The following MED13L variants were observed in gnomAD, a reference collection of about 807,000 sequenced individuals.
The protein encoded by MED13L is mediator of RNA polymerase II transcription subunit 13-like.
A neutral mutation model predicts 220.9 loss-of-function variants in MED13L; 7 were observed. That is an observed-to-expected ratio of 0.03 (90% CI 0.02 to 0.06). MED13L has a LOEUF of 0.06. Ranked by LOEUF, MED13L falls within the 10% of genes least tolerant of loss-of-function variation. The probability of loss-of-function intolerance (pLI) is 1.00; values close to 1 mark genes in which losing one functional copy is unlikely to be tolerated. For synonymous variants in MED13L, 1,011 were observed against 1,015.2 expected (o/e 1.00, Z 0.08); for missense variants, 1,965 against 2,760.5 (o/e 0.71, Z 6.46).
At chr12:116,003,544 C>G (rs183005610) in intron 13 of MED13L, among the ~76,000 whole-genome samples, 57 of 151,358 alleles carry the variant, frequency 3.8e-4, no homozygotes, top group Admixed American at 3.7e-3. Context: ...ATCTTCTGTA[C>G]CTATTTTTAT....
At chr12:116,022,219 A>C (rs557891669) in intron 5 of MED13L, among the ~76,000 whole-genome samples, 1 of 152,208 alleles carries the variant, frequency 6.6e-6, no homozygotes, top group East Asian at 1.9e-4. Flanking sequence ...TTATTCTTAC[A>C]AAAGAATACA....
At chr12:116,271,040 C>CAAAAAAAAAAAA (rs58162276) in intron 1 of MED13L, among the ~76,000 whole-genome samples, 1 of 30,090 alleles carries the variant, frequency 3.3e-5, no homozygotes. Context: ...GACTCCGTCT[C>CAAAAAAAAAAAA]AAAAAAAAAA....
intron 3 of MED13L, among the ~76,000 whole-genome samples, chr12:116,102,174 T>C (rs1873114323): frequency 6.6e-6 from 1 of 152,242 alleles, no homozygotes; most frequent in Non-Finnish European, 1.5e-5. Context: ...AATGTTTCTG[T>C]GTCATGCCAT....
At chr12:116,014,378 C>A (rs1165484779) in intron 8 of MED13L, among the ~76,000 whole-genome samples, 1 of 152,180 alleles carries the variant, frequency 6.6e-6, no homozygotes, top group Non-Finnish European at 1.5e-5. Flanking sequence ...AAGCAGACAT[C>A]TACTCATATT....
chr12:116,225,962 TAAC>T (rs978824434), intron 2 of MED13L, among the ~76,000 whole-genome samples: 2 of 152,082 alleles, frequency 1.3e-5, no homozygotes, highest in African/African-American at 4.8e-5. Context: ...AGGAAAAGAC[TAAC>T]AACAGATTTA....
chr12:116,157,473 ACTC>A (rs1279786817), intron 2 of MED13L, among the ~76,000 whole-genome samples: 1 of 125,144 alleles, frequency 8.0e-6, no homozygotes, highest in Non-Finnish European at 1.8e-5. Context: ...TCTTCCCTAA[ACTC>A]CTCAAGGATC....
chr12:116,201,805 A>G (rs539294504), intron 2 of MED13L, among the ~76,000 whole-genome samples: 5 of 152,216 alleles, frequency 3.3e-5, no homozygotes, highest in Non-Finnish European at 7.3e-5. Context: ...TTCCAACATT[A>G]CAAATATGTC....
chr12:115,966,064 A>C lies in MED13L; in HGVS notation c.6387+18T>G. 6.2e-7 allele frequency: 1 copy of C among 1,613,768 alleles called. No homozygotes were observed. The highest frequency in any genetic ancestry group is 2.2e-5 in the East Asian group (1 of 44,888). On this transcript the variant is annotated intron_variant, in intron 29 of 30. Transcript: ENST00000281928. ...ATCACTCATTCCTTGCAAACTTCTA[A>C]TATGACACCAAACCAACCTTTAAGA...
intron 4 of MED13L, among the ~76,000 whole-genome samples, chr12:116,094,120 C>A (rs1041698739): frequency 7.9e-5 from 12 of 152,158 alleles, no homozygotes; most frequent in African/African-American, 2.9e-4. Context: ...AACTGTCCAA[C>A]TCAGGCATGA....
Position 116,008,560 on chromosome 12 carries a change from T to C in MED13L, c.1853A>G (p.Tyr618Cys), listed in dbSNP as rs747110033. The C allele has an allele frequency of 2.5e-6, 4 of 1,613,852 alleles. No individual in the cohort carries two copies. The highest frequency in any genetic ancestry group is 1.7e-5 in the Admixed American group (1 of 59,982). ...LMAEVSETAL[Y>C]CGIRPSNPES... The stretch of plus-strand genomic sequence containing the variant: ...CGGGTTCGAGGGCCTAATCCCACAA[T>C]ATAAGGCTGTCTCGCTGACCTCTGC... Residue 618 changes from tyrosine (Y) to cysteine (C), a missense_variant, in exon 10 of 31, where the codon TAT becomes TGT. Coordinates refer to ENST00000281928, the MANE Select transcript of MED13L (RefSeq NM_015335.5).
intron 4 of MED13L, among the ~76,000 whole-genome samples, chr12:116,079,042 T>C (rs575041685): frequency 6.6e-6 from 1 of 152,328 alleles, no homozygotes; most frequent in South Asian, 2.1e-4. Context: ...AACACAGCTG[T>C]ATTCACTTAA....
At chr12:116,246,222 G>T (rs957269381) in intron 1 of MED13L, among the ~76,000 whole-genome samples, 1 of 134,742 alleles carries the variant, frequency 7.4e-6, no homozygotes, top group Non-Finnish European at 1.6e-5. Flanking sequence ...AAAAAAAAAA[G>T]CACCCTTTCT....
At chr12:116,032,046 C>T (rs1046054324) in intron 4 of MED13L, among the ~76,000 whole-genome samples, 3 of 151,902 alleles carry the variant, frequency 2.0e-5, no homozygotes, top group Non-Finnish European at 4.4e-5. Flanking sequence ...CTGTAAGGTA[C>T]CCAGAAAATA....
chr12:116,062,689 T>C (rs1456172079), intron 4 of MED13L, among the ~76,000 whole-genome samples: 1 of 152,114 alleles, frequency 6.6e-6, no homozygotes, highest in Non-Finnish European at 1.5e-5. Context: ...GGTTTCCCCA[T>C]ATTGGCCAGG....
In MED13L at chr12:115,996,538, A is replaced by G; in HGVS notation, c.2934T>C (p.Ile978=). The G allele has an allele frequency of 6.2e-7, 1 of 1,614,224 alleles. No homozygotes were observed. Among genetic ancestry groups the G allele is most frequent in the Non-Finnish European group, 8.5e-7 (1 of 1,180,030 alleles). ...TGGGCAGTTGTTCAATTTTAGGAGG[A>G]ATTGCCCATGAAGGCCGAAACAGAC... ...DACLFRPSWA[I]PPKIEQLPMP... is the part of the protein sequence containing the mutation. The change falls in exon 16 of 31, where the codon ATT becomes ATC. Residue 978 remains isoleucine, a synonymous_variant. Transcript: ENST00000281928.
chr12:116,105,791 C>T (rs1169523320), intron 3 of MED13L, among the ~76,000 whole-genome samples: 1 of 152,194 alleles, frequency 6.6e-6, no homozygotes. Context: ...TAAATAAATG[C>T]TATCCCTTCC....
intron 4 of MED13L, among the ~76,000 whole-genome samples, chr12:116,041,220 G>C (rs1055102697): frequency 1.3e-5 from 2 of 152,164 alleles, no homozygotes; most frequent in African/African-American, 4.8e-5. Context: ...TCTCATGACA[G>C]AGTTACTTCT....
rs1246948968 is a variant in MED13L at position 115,993,616 on chromosome 12, G to GTTAA, written c.2997-1663_2997-1660dup. ...CACTGCTCTCTTAGAGACCAAAATA[G>GTTAA]TTAAGTGTGTAATAACGATCTTTAC... is the stretch of plus-strand genomic sequence containing the variant. On this transcript the variant is annotated intron_variant, in intron 16 of 30. Transcript: ENST00000281928. Among the ~76,000 whole-genome samples, 4 of 151,440 alleles carry GTTAA rather than the reference G, an allele frequency of 2.6e-5. No individual in the cohort carries two copies. In the East Asian group the frequency reaches 7.8e-4, roughly 29 times the overall value.
intron 29 of MED13L, among the ~76,000 whole-genome samples, chr12:115,965,072 G>T (rs1485704584): frequency 4.6e-5 from 7 of 152,186 alleles, no homozygotes; most frequent in African/African-American, 1.7e-4. Flanking sequence ...ATTAGGAAAA[G>T]AACATTGCTT....
Sources: allele counts gnomAD v4.1 joint callset (sites outside exome capture counted in the v4.1 genomes callset), GRCh38; gene constraint gnomAD v4.1.1; transcripts MANE v1.5; gene names NCBI Gene and HGNC (gene_info 2026-07-23, HGNC 2026-07-21).